CIT: variants seen among roughly 807,000 people sequenced by gnomAD.
The protein encoded by CIT is citron rho-interacting serine/threonine kinase.
Under a neutral mutation model 272.7 loss-of-function variants are expected in CIT, and 79 were observed. The observed-to-expected ratio is 0.29, with a 90% CI of 0.24 to 0.35. CIT has a LOEUF of 0.35. Ranked by LOEUF, CIT falls within the 10% of genes least tolerant of loss-of-function variation. The probability of loss-of-function intolerance (pLI) is 1.00; values close to 1 mark genes in which losing one functional copy is unlikely to be tolerated. For missense variants in CIT, 1,909 were observed against 2,618.3 expected (o/e 0.73, Z 5.91); for synonymous variants, 948 against 995.6 (o/e 0.95, Z 0.90).
At chr12:119,737,542 T>C (rs1481644518) in intron 24 of CIT, among the ~76,000 whole-genome samples, 2 of 152,168 alleles carry the variant, frequency 1.3e-5, no homozygotes, top group Non-Finnish European at 2.9e-5. Flanking sequence ...CCCAAAGTTA[T>C]ATTATAAAAT....
chr12:119,777,155 T>A (rs1963833472), intron 13 of CIT, among the ~76,000 whole-genome samples: 1 of 152,010 alleles, frequency 6.6e-6, no homozygotes, highest in African/African-American at 2.4e-5. Flanking sequence ...CTTGGGAGGC[T>A]GAGGCAGGAG....
At chr12:119,742,680 C>T (rs1243772882) in intron 23 of CIT, 2 of 465,660 alleles carry the variant, frequency 4.3e-6, no homozygotes, top group Admixed American at 3.9e-5. Flanking sequence ...ATTCTTTAGA[C>T]CATACATGCA....
chr12:119,861,147 TTC>T, intron 3 of CIT, among the ~76,000 whole-genome samples: 1 of 151,710 alleles, frequency 6.6e-6, no homozygotes, highest in South Asian at 2.1e-4. Flanking sequence ...ACTTCACAAC[TTC>T]TCTCTATACC....
chr12:119,703,553 G>A (rs528479542), intron 41 of CIT, among the ~76,000 whole-genome samples: 9 of 150,380 alleles, frequency 6.0e-5, no homozygotes, highest in Admixed American at 4.0e-4. Context: ...TGCCTCCCAC[G>A]TAGCTGAGAT....
At chr12:119,719,266 CAG>C (rs945515793) in intron 30 of CIT, among the ~76,000 whole-genome samples, 2 of 151,414 alleles carry the variant, frequency 1.3e-5, no homozygotes, top group African/African-American at 4.9e-5. Context: ...TTACAAGACA[CAG>C]AGATGAGTGT....
chr12:119,871,262 G>A (rs978425642), intron 2 of CIT, among the ~76,000 whole-genome samples: 6 of 152,136 alleles, frequency 3.9e-5, no homozygotes, highest in African/African-American at 1.4e-4. Context: ...CCAGCTGAAT[G>A]TAGCCCCACA....
intron 10 of CIT, among the ~76,000 whole-genome samples, chr12:119,793,414 C>G (rs1028557280): frequency 2.6e-5 from 4 of 152,192 alleles, no homozygotes; most frequent in Admixed American, 2.6e-4. Flanking sequence ...GGATCCAACT[C>G]TTGTCCCTCA....
chr12:119,740,832 C>T (rs1959023316), intron 24 of CIT, among the ~76,000 whole-genome samples: 1 of 152,158 alleles, frequency 6.6e-6, no homozygotes, highest in African/African-American at 2.4e-5. Context: ...CCCCCAACTC[C>T]TCAAGGAAGG....
At chr12:119,711,323 TG>T (rs2137056569) in intron 37 of CIT, among the ~76,000 whole-genome samples, 1 of 152,342 alleles carries the variant, frequency 6.6e-6, no homozygotes, top group African/African-American at 2.4e-5. Context: ...GTTTGTATCC[TG>T]GAACATTTTA....
In CIT at chr12:119,775,792, C is replaced by T. The variant is rs1481241260; in HGVS notation, c.1935G>A (p.Leu645=). Residue 645 remains leucine, a synonymous_variant, in exon 16 of 48, where the codon CTG becomes CTA. Coordinates refer to ENST00000392521, the MANE Select transcript of CIT (RefSeq NM_001206999.2). ...QLKIQELQEK[L]EKAVKASTEA... ...AAAATCACCTTGGGCTTACCTTCTC[C>T]AGTTTCTCTTGGAGCTCCTGAATTT... 10 of 1,613,594 alleles carry T rather than the reference C, an allele frequency of 6.2e-6. No homozygotes were observed. In the South Asian group the frequency reaches 9.9e-5, roughly 16 times the overall value.
Position 119,701,650 on chromosome 12 carries a change from C to T in CIT, c.5516G>A (p.Arg1839Gln), listed in dbSNP as rs201551867. The T allele has an allele frequency of 5.0e-6, 8 of 1,614,174 alleles. No individual in the cohort carries two copies. The African/African-American group carries it at 6.7e-5, about 13-fold the overall frequency. The stretch of plus-strand genomic sequence containing the variant: ...GTGGAAACACAGCAAGTACTCCTCT[C>T]GCTGCCCTGCGCTGTTCACCTGCAC... ...SIVQVNSAGQ[R>Q]EEYLLCFHEF... Residue 1839 changes from arginine to glutamine, a missense_variant, in exon 43 of 48, where the codon CGA becomes CAA. Transcript: ENST00000392521.
At chr12:119,844,526 G>C (rs1256244761) in intron 5 of CIT, among the ~76,000 whole-genome samples, 1 of 152,070 alleles carries the variant, frequency 6.6e-6, no homozygotes, top group Non-Finnish European at 1.5e-5. Flanking sequence ...AGTAACAAAA[G>C]AATTTGAGGT....
intron 2 of CIT, among the ~76,000 whole-genome samples, chr12:119,875,338 T>C (rs1279449963): frequency 1.3e-5 from 2 of 152,208 alleles, no homozygotes; most frequent in East Asian, 1.9e-4. Context: ...GAATAAACTT[T>C]AGTACAGAAG....
At chr12:119,767,240 G>A (rs771069011) in intron 18 of CIT, 58 bp from the exon 19 acceptor site, 15 of 1,280,252 alleles carry the variant, frequency 1.2e-5, no homozygotes, top group East Asian at 2.4e-5. Flanking sequence ...GCCAATGCAC[G>A]TTAGACATTC....
rs1399368563 is a variant in CIT, at chr12:119,768,739, T to C, written c.2209-1557A>G. On this transcript the variant is annotated intron_variant, in intron 18 of 47. Coordinates refer to ENST00000392521, the MANE Select transcript of CIT (RefSeq NM_001206999.2). This position sits in a 1 kb window ranked among gnomAD's most constrained non-coding sequence, Gnocchi z 4.3. ...GTTCTATATGTACTTGGCTAAACGA[T>C]CTCTTGCAGTAACTTCTTTTACTAA... Among the ~76,000 whole-genome samples, 2 of 152,230 alleles carry C rather than the reference T, an allele frequency of 1.3e-5. No homozygotes were observed. Among genetic ancestry groups the C allele is most frequent in the African/African-American group, 4.8e-5 (2 of 41,458 alleles).
rs1350671559 is a variant in CIT at position 119,857,626 on chromosome 12, C to T, written c.311G>A (p.Gly104Asp). The T allele has an allele frequency of 2.2e-5, 36 of 1,614,224 alleles. No individual in the cohort carries two copies. Among genetic ancestry groups the T allele is most frequent in the Non-Finnish European group, 3.1e-5 (36 of 1,180,040 alleles). The change falls in exon 4 of 48, where the codon GGT (glycine) becomes GAT (aspartate). Residue 104 changes from glycine to aspartate, a missense_variant. This residue lies in a region of CIT where 529 missense variants were observed against 549.6 expected (regional missense o/e 0.96). Transcript: ENST00000392521. ...CTGCACTTCAGCAAAGTGACCACAACCTACAAGACTTCTGACTTCGAAGTC... is the reference window on the plus strand; with the variant it reads ...CTGCACTTCAGCAAAGTGACCACAATCTACAAGACTTCTGACTTCGAAGTC... Reference protein sequence around the residue: ...AKDFEVRSLVGCGHFAEVQVV... With the variant: ...AKDFEVRSLVDCGHFAEVQVV...
chr12:119,769,886 T>C (rs1962900065), intron 18 of CIT, among the ~76,000 whole-genome samples: 1 of 152,158 alleles, frequency 6.6e-6, no homozygotes, highest in African/African-American at 2.4e-5. Flanking sequence ...GGAATTCCAA[T>C]AGTTGCTGGT....
At chr12:119,820,065 C>T (rs1404631976) in intron 9 of CIT, among the ~76,000 whole-genome samples, 2 of 152,174 alleles carry the variant, frequency 1.3e-5, no homozygotes, top group Non-Finnish European at 1.5e-5. Context: ...AAACTAGGAC[C>T]AGTCCCATCA....
intron 3 of CIT, among the ~76,000 whole-genome samples, chr12:119,861,865 T>C (rs555109319): frequency 2.0e-5 from 3 of 152,322 alleles, no homozygotes; most frequent in East Asian, 3.9e-4. Context: ...AACAGAAAAG[T>C]TGAAACAACC....
Sources: gnomAD v4.1 joint callset for allele counts (sites outside exome capture counted in the v4.1 genomes callset) on GRCh38, gnomAD v4.1.1 for gene constraint, gnomAD v4.1.1 regional missense constraint, Gnocchi (gnomAD v3.1) non-coding constraint, MANE v1.5 for transcripts, NCBI Gene and HGNC (gene_info 2026-07-23, HGNC 2026-07-21) for gene names.